TFRC: variants seen among roughly 807,000 people sequenced by gnomAD.
TFRC encodes transferrin receptor.
TFRC carries 35 observed loss-of-function variants against 85.8 expected under a neutral mutation model. That is an observed-to-expected ratio of 0.41 (90% confidence interval 0.31 to 0.54). The LOEUF is 0.54. Among genes scored for constraint, TFRC ranks in the 20% least tolerant of loss-of-function variants. The probability of loss-of-function intolerance (pLI) is 0.31; values close to 1 mark genes in which losing one functional copy is unlikely to be tolerated. For missense variants in TFRC, 828 were observed against 921.5 expected, an observed-to-expected ratio of 0.90 and a Z score of 1.31; for synonymous variants, 362 against 328.6, an observed-to-expected ratio of 1.10 and a Z score of -1.10.
At chr3:196,069,703 A>C (rs3827556) in intron 6 of TFRC, 135 bp from the exon 7 acceptor site, 2 of 557,256 alleles carry the variant, frequency 3.6e-6, no homozygotes, top group Non-Finnish European at 6.3e-6. Flanking sequence ...AAGGCCTAAA[A>C]AAGACATGAG....
chr3:196,060,706 G>C (rs1717202789), intron 13 of TFRC: 1 of 148,046 alleles, frequency 6.8e-6, no homozygotes, highest in Admixed American at 7.1e-5. Context: ...GCTGAGGCAG[G>C]AGAATGGCAT....
At chr3:196,064,199 G>T (rs766033445) in intron 11 of TFRC, 110 bp downstream of exon 11, 1 of 1,209,090 alleles carries the variant, frequency 8.3e-7, no homozygotes. Flanking sequence ...AAGAACTAGA[G>T]TCTAGCATGA....
At position 196,058,589 on chromosome 3, in the gene TFRC, T is replaced by C. The variant is rs772017482; in HGVS notation, c.1580A>G (p.Asn527Ser). The stretch of plus-strand genomic sequence containing the variant: ...CTCAACTTACACTTTGCTGGCCCAG[T>C]TGCTGTCCTGATATAGAAATTGCCC... ...VTGQFLYQDSNWASKVEKLTL... is the reference protein window; with the variant it reads ...VTGQFLYQDSSWASKVEKLTL... The change falls in exon 15 of 19, where the codon AAC becomes AGC. Residue 527 changes from asparagine to serine, a missense_variant. By Grantham distance (46) the Asn-to-Ser change is conservative. Coordinates refer to ENST00000360110, the MANE Select transcript of TFRC (RefSeq NM_001128148.3). 16 of 1,611,642 alleles carry C rather than the reference T, an allele frequency of 9.9e-6. No homozygotes were observed. The highest frequency in any genetic ancestry group is 1.2e-5 in the Non-Finnish European group (14 of 1,179,236).
chr3:196,061,654 T>A lies in TFRC; in HGVS notation c.1468+928A>T, dbSNP rs374067734. Among the ~76,000 whole-genome samples, 254 of 152,226 alleles carry A rather than the reference T, an allele frequency of 1.7e-3. 14 individuals are homozygous for A. In the South Asian group the frequency reaches 0.051, roughly 31 times the overall value. The stretch of plus-strand genomic sequence containing the variant: ...ACAGGTACTCGCCACCACACCCGGC[T>A]AATTTTGGTATTTTTAGTAGAGACG... On this transcript the variant is annotated intron_variant, in intron 13 of 18. Coordinates refer to ENST00000360110, the MANE Select transcript of TFRC (RefSeq NM_001128148.3).
At position 196,068,067 on chromosome 3, in the gene TFRC, G is replaced by A; in HGVS notation, c.865C>T (p.Pro289Ser). 2.5e-6 allele frequency: 4 copies of A among 1,613,120 alleles called. No individual in the cohort carries two copies. The highest frequency in any genetic ancestry group is 3.4e-6 in the Non-Finnish European group (4 of 1,179,730). ...AATGAAAGTTCTGCGTTAACAATGG[G>A]AAATTTAGTCTGGTCCATGTATATC... ...VLIYMDQTKF[P>S]IVNAELSFFG... is the part of the protein sequence containing the mutation. Residue 289 changes from proline (P) to serine (S), a missense_variant, in exon 8 of 19, where the codon CCC (proline) becomes TCC (serine). Transcript: ENST00000360110.
At position 196,060,393 on chromosome 3, in the gene TFRC, A is replaced by G. The variant is rs778800592; in HGVS notation, c.1469-146T>C. Reference sequence around the variant, plus strand: ...CAACTATCCCATTCATCAAGTAAACAAAAGTAATTTTGGTATCAAGCTCTT... The same window carrying G: ...CAACTATCCCATTCATCAAGTAAACGAAAGTAATTTTGGTATCAAGCTCTT... On this transcript the variant is annotated intron_variant, in intron 13 of 18. Transcript: ENST00000360110. 1.0e-5 allele frequency: 7 copies of G among 700,920 alleles called. No homozygotes were observed. In the East Asian group the frequency reaches 1.7e-4, roughly 17 times the overall value. 43.4% of individuals were successfully genotyped at this position (700,920 alleles called of 1,614,324 possible).
chr3:196,050,698 T>C lies in TFRC; in HGVS notation c.*1244A>G, dbSNP rs997565526. On this transcript the variant is annotated 3_prime_UTR_variant, in exon 19 of 19. Transcript: ENST00000360110. ...GAGCTATAAAATTTTGCAGGAGTACTACCACAGCCTTTAAGTGACATTGAT... is the reference window on the plus strand; with the variant it reads ...GAGCTATAAAATTTTGCAGGAGTACCACCACAGCCTTTAAGTGACATTGAT... 5 of 204,672 alleles carry C rather than the reference T, an allele frequency of 2.4e-5. No individual in the cohort carries two copies. Among genetic ancestry groups the C allele is most frequent in the African/African-American group, 1.1e-4 (5 of 43,798 alleles). 12.7% of individuals were successfully genotyped at this position (204,672 alleles called of 1,614,324 possible). A position where few individuals can be genotyped will look rare whatever the true frequency, so the allele number is the denominator to read the frequency against.
In TFRC at chr3:196,075,340, T is replaced by C. The variant is rs779740047; in HGVS notation, c.57A>G (p.Ser19=). 6.2e-7 allele frequency: 1 copy of C among 1,614,012 alleles called. No homozygotes were observed. The highest frequency in any genetic ancestry group is 1.3e-5 in the African/African-American group (1 of 74,908). ...GCCGAGCCAGGCTGAACCGGGTATA[T>C]GACAATGGTTCTCCACCAAACTGTG... ...FSNLFGGEPL[S]YTRFSLARQV... Residue 19 remains serine (S), a synonymous_variant, in exon 3 of 19, where the codon TCA becomes TCG. Coordinates refer to ENST00000360110, the MANE Select transcript of TFRC (RefSeq NM_001128148.3).
intron 1 of TFRC, among the ~76,000 whole-genome samples, chr3:196,080,513 A>G (rs1560095221): frequency 1.3e-5 from 2 of 152,252 alleles, no homozygotes; most frequent in Admixed American, 6.5e-5. Context: ...TGCTGGGATT[A>G]CAGGCGGGAG....
chr3:196,066,224 G>C (rs773196094), intron 9 of TFRC, among the ~76,000 whole-genome samples: 5 of 152,128 alleles, frequency 3.3e-5, no homozygotes, highest in Non-Finnish European at 7.3e-5. Flanking sequence ...ATATATAAAA[G>C]AATATTAATA....
intron 17 of TFRC, 146 bp downstream of exon 17, chr3:196,054,934 C>T: frequency 1.2e-6 from 1 of 814,326 alleles, no homozygotes. Flanking sequence ...AACAAGTTAC[C>T]AATTCTACAT....
At chr3:196,067,411 CA>C in intron 9 of TFRC, 106 bp downstream of exon 9, 1 of 1,287,336 alleles carries the variant, frequency 7.8e-7, no homozygotes. Context: ...TCCAAATTCC[CA>C]AATGTGGAAA....
chr3:196,067,580 T>C lies in TFRC; in HGVS notation c.978A>G (p.Ser326=). ...FNHTQFPPSR[S]SGLPNIPVQT... is the part of the protein sequence containing the mutation. ...GGACAGGTATATTAGGCAATCCTGATGACCGAGATGGTGGAAACTGAGTGT... is the reference window on the plus strand; with the variant it reads ...GGACAGGTATATTAGGCAATCCTGACGACCGAGATGGTGGAAACTGAGTGT... The change falls in exon 9 of 19, where the codon TCA becomes TCG. Residue 326 remains serine, a synonymous_variant. Transcript: ENST00000360110. 6.2e-7 allele frequency: 1 copy of C among 1,614,174 alleles called. No individual in the cohort carries two copies. Among genetic ancestry groups the C allele is most frequent in the Non-Finnish European group, 8.5e-7 (1 of 1,180,018 alleles).
chr3:196,055,359 A>G (rs900805577), intron 16 of TFRC, 58 bp from the exon 17 acceptor site: 1 of 1,468,586 alleles, frequency 6.8e-7, no homozygotes, highest in African/African-American at 1.4e-5. Flanking sequence ...AGAGCCTCAC[A>G]TTCTGGCTTC....
At chr3:196,080,280 T>C (rs1044629403) in intron 1 of TFRC, among the ~76,000 whole-genome samples, 1 of 152,228 alleles carries the variant, frequency 6.6e-6, no homozygotes, top group Non-Finnish European at 1.5e-5. Flanking sequence ...ATTTTTGTAT[T>C]TTTCGTAGAG....
intron 16 of TFRC, 73 bp from the exon 17 acceptor site, chr3:196,055,374 T>C: frequency 7.5e-7 from 1 of 1,326,388 alleles, no homozygotes; most frequent in Non-Finnish European, 1.1e-6. Flanking sequence ...GGCTTCGCCA[T>C]CGAGGTAACA....
intron 2 of TFRC, among the ~76,000 whole-genome samples, chr3:196,075,989 C>T (rs1718660964): frequency 6.7e-6 from 1 of 149,230 alleles, no homozygotes; most frequent in Non-Finnish European, 1.5e-5. Context: ...AAAAAAACCA[C>T]TAGCTGGGCA....
At chr3:196,080,262 C>T (rs370892117) in intron 1 of TFRC, among the ~76,000 whole-genome samples, 2 of 152,234 alleles carry the variant, frequency 1.3e-5, no homozygotes, top group Non-Finnish European at 2.9e-5. Flanking sequence ...CACCACCATG[C>T]CCAGCTAATT....
chr3:196,073,783 A>G (rs1382810685), intron 4 of TFRC, 147 bp downstream of exon 4: 2 of 775,656 alleles, frequency 2.6e-6, no homozygotes, highest in African/African-American at 3.6e-5. Flanking sequence ...AGTTTTTTAC[A>G]GGCCCCTTCC....
Sources: allele counts gnomAD v4.1 joint callset (sites outside exome capture counted in the v4.1 genomes callset), GRCh38; gene constraint gnomAD v4.1.1; transcripts MANE v1.5; gene names NCBI Gene and HGNC (gene_info 2026-07-23, HGNC 2026-07-21).